SEC14L1: variants seen among roughly 807,000 people sequenced by gnomAD.
SEC14L1 encodes SEC14-like protein 1.
Under a neutral mutation model 85.3 loss-of-function variants are expected in SEC14L1, and 48 were observed. The observed-to-expected ratio is 0.56, with a 90% CI of 0.45 to 0.72. The LOEUF (loss-of-function observed/expected upper bound fraction) is 0.72. Ranked by LOEUF, SEC14L1 falls within the 30% of genes least tolerant of loss-of-function variation. The probability of loss-of-function intolerance (pLI) is 0.00; values close to 1 mark genes in which losing one functional copy is unlikely to be tolerated. For missense variants in SEC14L1, 682 were observed against 921.4 expected (o/e 0.74, Z 3.36); for synonymous variants, 391 against 355.5 (o/e 1.10, Z -1.12).
At chr17:77,172,078 C>A (rs79594324) in intron 3 of SEC14L1, among the ~76,000 whole-genome samples, 4,286 of 152,096 alleles carry the variant, frequency 0.028, 195 homozygotes, top group African/African-American at 0.097. Flanking sequence ...TGCTTTAAAC[C>A]CCTCTTCTTT....
chr17:77,115,995 C>T (rs1034970683), intron 3 of SEC14L1, among the ~76,000 whole-genome samples: 4 of 151,570 alleles, frequency 2.6e-5, no homozygotes, highest in Non-Finnish European at 5.9e-5. Flanking sequence ...TACTGCTCAT[C>T]GCAGCCTCCA....
rs1464649753 is a variant in SEC14L1 at position 77,209,222 on chromosome 17, T to C, written c.1477-120T>C. On this transcript the variant is annotated intron_variant, in intron 13 of 16. Transcript: ENST00000436233. ...GTGTTTTACGACCCTGCCAGTGTTT[T>C]CCATTTTCTCAGCAACCTCCAGAAG... 5 of 1,226,582 alleles carry C rather than the reference T, an allele frequency of 4.1e-6. No homozygotes were observed. The African/African-American group carries it at 7.5e-5, about 18-fold the overall frequency. The allele number at this position is 1,226,582 out of a possible 1,614,324, so 76.0% of individuals were successfully genotyped here. A position where few individuals can be genotyped will look rare whatever the true frequency, so the allele number is the denominator to read the frequency against.
intron 3 of SEC14L1, among the ~76,000 whole-genome samples, chr17:77,121,581 T>C (rs980123225): frequency 2.0e-5 from 3 of 152,060 alleles, no homozygotes; most frequent in African/African-American, 7.2e-5. Context: ...ATGATCTCAA[T>C]CTCCTGACCT....
At chr17:77,154,640 T>C (rs1309825689) in intron 3 of SEC14L1, among the ~76,000 whole-genome samples, 4 of 151,274 alleles carry the variant, frequency 2.6e-5, no homozygotes, top group East Asian at 3.9e-4. Flanking sequence ...TTTTTTTGTT[T>C]TTTTTTGGTT....
At chr17:77,168,363 G>A (rs910059141) in intron 3 of SEC14L1, among the ~76,000 whole-genome samples, 1 of 152,146 alleles carries the variant, frequency 6.6e-6, no homozygotes. Context: ...AGGAACAAGA[G>A]CCTATTTGAG....
At chr17:77,176,931 G>T (rs1191206970) in intron 3 of SEC14L1, among the ~76,000 whole-genome samples, 1 of 152,148 alleles carries the variant, frequency 6.6e-6, no homozygotes, top group Non-Finnish European at 1.5e-5. Context: ...GGTTCACTCT[G>T]TGTTGTACAT....
intron 3 of SEC14L1, among the ~76,000 whole-genome samples, chr17:77,110,508 T>C (rs1972021203): frequency 6.6e-6 from 1 of 152,172 alleles, no homozygotes; most frequent in Non-Finnish European, 1.5e-5. Context: ...CTGAGAACAT[T>C]TGCCCATGGT....
intron 3 of SEC14L1, among the ~76,000 whole-genome samples, chr17:77,187,855 C>T (rs1478717969): frequency 6.6e-6 from 1 of 151,732 alleles, no homozygotes; most frequent in Non-Finnish European, 1.5e-5. Flanking sequence ...GGTGGTCCTC[C>T]CATGTCAGCC....
At chr17:77,197,200 T>G (rs895811745) in intron 8 of SEC14L1, among the ~76,000 whole-genome samples, 3 of 152,150 alleles carry the variant, frequency 2.0e-5, no homozygotes, top group Admixed American at 2.0e-4. Context: ...TTCGCAGGAG[T>G]TGGGGTCATG....
At chr17:77,132,081 A>AT (rs1216248596) in intron 3 of SEC14L1, among the ~76,000 whole-genome samples, 1 of 152,118 alleles carries the variant, frequency 6.6e-6, no homozygotes, top group Non-Finnish European at 1.5e-5. Context: ...GGTAACCTAC[A>AT]TTTTCTGTAC....
intron 2 of SEC14L1, among the ~76,000 whole-genome samples, chr17:77,092,078 G>A (rs780562753): frequency 6.6e-6 from 1 of 152,148 alleles, no homozygotes; most frequent in Non-Finnish European, 1.5e-5. Flanking sequence ...CAAAGTGCTG[G>A]GATTACAGGC....
At chr17:77,152,497 C>T (rs957238727) in intron 3 of SEC14L1, 3 of 146,264 alleles carry the variant, frequency 2.1e-5, no homozygotes, top group Non-Finnish European at 1.5e-5. Context: ...GGTCATGCCA[C>T]TGCACTCCAG....
At chr17:77,159,679 C>G (rs1273036624) in intron 3 of SEC14L1, among the ~76,000 whole-genome samples, 2 of 152,118 alleles carry the variant, frequency 1.3e-5, no homozygotes, top group African/African-American at 4.8e-5. Context: ...GCTCCCGGCC[C>G]TTGTCTTTTA....
intron 3 of SEC14L1, chr17:77,143,897 A>G (rs914210957): frequency 2.7e-4 from 99 of 370,382 alleles, no homozygotes; most frequent in Non-Finnish European, 2.0e-4. Context: ...ATTGAAGTTA[A>G]TTCTCCCTTT....
chr17:77,204,522 CTTTT>C (rs745921636), intron 10 of SEC14L1, among the ~76,000 whole-genome samples: 1,200 of 84,752 alleles, frequency 0.014, 29 homozygotes, highest in African/African-American at 0.044. Context: ...GCCCAGCCAG[CTTTT>C]TTTTTTTTTT....
chr17:77,135,203 T>G (rs1972756546), intron 3 of SEC14L1, among the ~76,000 whole-genome samples: 1 of 152,246 alleles, frequency 6.6e-6, no homozygotes, highest in Non-Finnish European at 1.5e-5. Flanking sequence ...TCCACCTCTC[T>G]GCTTATCAGC....
intron 10 of SEC14L1, among the ~76,000 whole-genome samples, chr17:77,204,153 CAA>C (rs1372277077): frequency 6.6e-6 from 1 of 152,170 alleles, no homozygotes; most frequent in African/African-American, 2.4e-5. Context: ...AATTTGAAAA[CAA>C]ACAGAAACTT....
intron 3 of SEC14L1, among the ~76,000 whole-genome samples, chr17:77,097,252 AC>A (rs1971668026): frequency 6.6e-6 from 1 of 152,232 alleles, no homozygotes; most frequent in East Asian, 1.9e-4. Context: ...CAAAGTTTGC[AC>A]AAAGCCAGCA....
chr17:77,179,550 A>G (rs1974914979), intron 3 of SEC14L1, among the ~76,000 whole-genome samples: 1 of 152,210 alleles, frequency 6.6e-6, no homozygotes, highest in Admixed American at 6.5e-5. Flanking sequence ...TCCGTGCTAA[A>G]TGTTAGCTTT....
Sources: gnomAD v4.1 joint callset for allele counts (sites outside exome capture counted in the v4.1 genomes callset) on GRCh38, gnomAD v4.1.1 for gene constraint, MANE v1.5 for transcripts, NCBI Gene and HGNC (gene_info 2026-07-23, HGNC 2026-07-21) for gene names.